NCK2: variants seen among roughly 807,000 people sequenced by gnomAD.
NCK2 encodes NCK adaptor protein 2, also known as cytoplasmic protein NCK2.
Under a neutral mutation model 33.9 loss-of-function variants are expected in NCK2, and 16 were observed. That is an observed-to-expected ratio of 0.47 (90% confidence interval 0.32 to 0.72). NCK2 has a LOEUF of 0.72. NCK2 is among the 30% of genes least tolerant of loss of function. The probability of loss-of-function intolerance (pLI) is 0.03; values close to 1 mark genes in which losing one functional copy is unlikely to be tolerated. For synonymous variants in NCK2, 273 were observed against 239.9 expected, an observed-to-expected ratio of 1.14 and a Z score of -1.27; for missense variants, 418 against 537.3, an observed-to-expected ratio of 0.78 and a Z score of 2.19.
intron 2 of NCK2, among the ~76,000 whole-genome samples, chr2:105,832,131 G>A (rs944360479): frequency 6.6e-6 from 1 of 151,744 alleles, no homozygotes; most frequent in Non-Finnish European, 1.5e-5. Context: ...TTTATTTTTA[G>A]CTATTATAAA....
At chr2:105,767,251 A>G (rs555817583) in intron 1 of NCK2, among the ~76,000 whole-genome samples, 10 of 152,304 alleles carry the variant, frequency 6.6e-5, no homozygotes, top group African/African-American at 1.7e-4. Flanking sequence ...ACCAAATGCA[A>G]TTTGCTGTTA....
intron 1 of NCK2, among the ~76,000 whole-genome samples, chr2:105,750,448 G>T (rs1026532536): frequency 3.3e-5 from 5 of 152,204 alleles, no homozygotes; most frequent in African/African-American, 1.2e-4. Flanking sequence ...CACTCCCAGT[G>T]TGTCTGTCTA....
At chr2:105,831,958 T>C (rs532235293) in intron 2 of NCK2, among the ~76,000 whole-genome samples, 82 of 152,300 alleles carry the variant, frequency 5.4e-4, no homozygotes, top group African/African-American at 1.8e-3. Flanking sequence ...AGGGATCACA[T>C]TGAAAATGTA....
intron 1 of NCK2, among the ~76,000 whole-genome samples, chr2:105,753,786 G>A (rs2104335368): frequency 6.6e-6 from 1 of 152,330 alleles, no homozygotes; most frequent in East Asian, 1.9e-4. Context: ...CCTTGTAGCA[G>A]GACATACCAA....
Position 105,893,110 on chromosome 2 carries a change from C to CA in NCK2, c.1082dup (p.Ala362GlyfsTer121). 6.2e-7 allele frequency: 1 copy of CA among 1,613,684 alleles called. No homozygotes were observed. The highest frequency in any genetic ancestry group is 8.5e-7 in the Non-Finnish European group (1 of 1,179,804). ...CCATGGACGAGCTGGTGGAACACTACAAAAAGGCGCCCATCTTCACCAGCG... is the reference window on the plus strand; with the variant it reads ...CCATGGACGAGCTGGTGGAACACTACAAAAAAGGCGCCCATCTTCACCAGCG... On this transcript the variant is annotated frameshift_variant, in exon 5 of 5. Coordinates refer to ENST00000233154, the MANE Select transcript of NCK2 (RefSeq NM_003581.5). LOFTEE classifies it high-confidence loss of function.
intron 2 of NCK2, among the ~76,000 whole-genome samples, chr2:105,838,059 G>A (rs1331662765): frequency 1.3e-5 from 2 of 151,108 alleles, no homozygotes; most frequent in Non-Finnish European, 2.9e-5. Flanking sequence ...TCCTACATGA[G>A]AATTCACTGT....
chr2:105,879,924 A>G (rs1479115996), intron 3 of NCK2, among the ~76,000 whole-genome samples: 1 of 152,192 alleles, frequency 6.6e-6, no homozygotes, highest in Admixed American at 6.5e-5. Context: ...AAACCTCCAC[A>G]CTGATTAAGG....
In NCK2 at chr2:105,881,893, G is replaced by A. The variant is rs760168625; in HGVS notation, c.792G>A (p.Ala264=). 6.4e-7 allele frequency: 1 copy of A among 1,570,762 alleles called. No individual in the cohort carries two copies. The highest frequency in any genetic ancestry group is 2.2e-5 in the East Asian group (1 of 44,496). ...GTGACGGGCCTGCCCTGCACCCTGC[G>A]CACGCCCCACAGATAAGCTACACCG... The part of the protein sequence containing the change: ...VLSDGPALHP[A]HAPQISYTGP... Residue 264 remains alanine, a synonymous_variant, in exon 4 of 5, where the codon GCG becomes GCA. Coordinates refer to ENST00000233154, the MANE Select transcript of NCK2 (RefSeq NM_003581.5).
At chr2:105,857,712 A>G (rs1050425334) in intron 3 of NCK2, among the ~76,000 whole-genome samples, 2 of 152,248 alleles carry the variant, frequency 1.3e-5, no homozygotes, top group Non-Finnish European at 2.9e-5. Context: ...GGGGATCAGT[A>G]TCCCCGTCAT....
intron 2 of NCK2, among the ~76,000 whole-genome samples, chr2:105,820,572 G>C (rs574190713): frequency 3.9e-5 from 6 of 152,284 alleles, no homozygotes; most frequent in African/African-American, 1.2e-4. Flanking sequence ...CTGCGGCTCT[G>C]ACCCTGCCTT....
At chr2:105,757,877 C>G (rs1689644460) in intron 1 of NCK2, among the ~76,000 whole-genome samples, 1 of 152,180 alleles carries the variant, frequency 6.6e-6, no homozygotes. Flanking sequence ...AGGCAACTCC[C>G]AGATACTGGA....
chr2:105,806,710 GA>G (rs58592956), intron 1 of NCK2, among the ~76,000 whole-genome samples: 3 of 152,042 alleles, frequency 2.0e-5, no homozygotes, highest in Middle Eastern at 3.4e-3. Flanking sequence ...CTTAATGAGG[GA>G]AAAAAATCAC....
intron 2 of NCK2, among the ~76,000 whole-genome samples, chr2:105,838,934 G>A (rs960631831): frequency 1.3e-5 from 2 of 152,186 alleles, no homozygotes; most frequent in Non-Finnish European, 2.9e-5. Flanking sequence ...TGAAGTAATG[G>A]TAAGGGCCAT....
At chr2:105,792,772 C>G (rs1191453693) in intron 1 of NCK2, among the ~76,000 whole-genome samples, 2 of 152,142 alleles carry the variant, frequency 1.3e-5, no homozygotes, top group Non-Finnish European at 2.9e-5. Context: ...AAGGCTGCCC[C>G]TTAGGTGGTG....
Position 105,750,900 on chromosome 2 carries a change from C to T in NCK2, c.-201+5762C>T, listed in dbSNP as rs717730. 0.015 allele frequency among the ~76,000 whole-genome samples: 2,213 copies of T among 152,296 alleles called. 235 individuals are homozygous for T. The East Asian group carries it at 0.29, about 20-fold the overall frequency. Reference sequence around the variant, plus strand: ...GGAGAGGCCGTCTCCTCTGAGCCTGCCATCTCTGTGATCGTGCAGTCTTTG... The same window carrying T: ...GGAGAGGCCGTCTCCTCTGAGCCTGTCATCTCTGTGATCGTGCAGTCTTTG... On this transcript the variant is annotated intron_variant, in intron 1 of 4. Coordinates refer to ENST00000233154, the MANE Select transcript of NCK2 (RefSeq NM_003581.5).
At position 105,881,743 on chromosome 2, in the gene NCK2, C is replaced by T; in HGVS notation, c.642C>T (p.Leu214=). The T allele has an allele frequency of 6.2e-7, 1 of 1,614,226 alleles. No individual in the cohort carries two copies. The highest frequency in any genetic ancestry group is 8.5e-7 in the Non-Finnish European group (1 of 1,180,032). ...YPFSSVTEEE[L]NFEKGETMEV... ...TCAGCTCAGTCACCGAGGAGGAGCTCAACTTCGAGAAGGGGGAGACCATGG... is the reference window on the plus strand; with the variant it reads ...TCAGCTCAGTCACCGAGGAGGAGCTTAACTTCGAGAAGGGGGAGACCATGG... The change falls in exon 4 of 5, where the codon CTC becomes CTT. Residue 214 remains leucine (L), a synonymous_variant. Transcript: ENST00000233154.
Position 105,893,295 on chromosome 2 carries a change from A to G in NCK2, c.*119A>G. On this transcript the variant is annotated 3_prime_UTR_variant, in exon 5 of 5. Coordinates refer to ENST00000233154, the MANE Select transcript of NCK2 (RefSeq NM_003581.5). Reference sequence around the variant, plus strand: ...ACGGCTTCTCTGCGAGTCTCTCTTTATGTTCAGGTCGCTTGGTCGGTTCGT... The same window carrying G: ...ACGGCTTCTCTGCGAGTCTCTCTTTGTGTTCAGGTCGCTTGGTCGGTTCGT... The G allele has an allele frequency of 9.8e-7, 1 of 1,020,854 alleles. No individual in the cohort carries two copies. Among genetic ancestry groups the G allele is most frequent in the African/African-American group, 1.6e-5 (1 of 61,818 alleles). The allele number at this position is 1,020,854 out of a possible 1,614,324, so 63.2% of individuals were successfully genotyped here.
At chr2:105,845,018 A>C (rs1390066232) in intron 2 of NCK2, among the ~76,000 whole-genome samples, 2 of 152,040 alleles carry the variant, frequency 1.3e-5, no homozygotes, top group Non-Finnish European at 2.9e-5. Context: ...CCCCTCTCCT[A>C]CACAGGGTCC....
chr2:105,780,325 T>TACACAC (rs57857814), intron 1 of NCK2, among the ~76,000 whole-genome samples: 276 of 147,474 alleles, frequency 1.9e-3, no homozygotes, highest in South Asian at 8.7e-3. Flanking sequence ...GAGAGATATA[T>TACACAC]ACACACACAC....
Sources: gnomAD v4.1 joint callset for allele counts (sites outside exome capture counted in the v4.1 genomes callset) on GRCh38, gnomAD v4.1.1 for gene constraint, MANE v1.5 for transcripts, NCBI Gene and HGNC (gene_info 2026-07-23, HGNC 2026-07-21) for gene names.